LRRC37A: variants seen among roughly 807,000 people sequenced by gnomAD.
The protein encoded by LRRC37A is leucine rich repeat containing 37A, also known as leucine-rich repeat-containing protein 37A.
Under a neutral mutation model 35.4 loss-of-function variants are expected in LRRC37A, and 3 were observed. The ratio of observed to expected loss-of-function variants is 0.08; its 90% CI spans 0.04 to 0.22. LRRC37A has a LOEUF of 0.22. LRRC37A is among the 10% of genes least tolerant of loss of function. The pLI, the probability that LRRC37A is intolerant of heterozygous loss-of-function variation, is 1.00. For synonymous variants in LRRC37A, 23 were observed against 215.0 expected (o/e 0.11, Z 7.81); for missense variants, 67 against 565.3 (o/e 0.12, Z 8.94).
chr17:46,272,045 C>A, the LRRC37A span, among the ~76,000 whole-genome samples: 2 of 152,240 alleles, frequency 1.3e-5, no homozygotes, highest in Non-Finnish European at 2.9e-5. Flanking sequence ...TAGGCGTGAG[C>A]CACCATGCCC....
At chr17:46,271,654 C>A in the LRRC37A span, among the ~76,000 whole-genome samples, 1 of 152,122 alleles carries the variant, frequency 6.6e-6, no homozygotes, top group Admixed American at 6.6e-5. Flanking sequence ...ATTTGCAGAT[C>A]CCAGGAAGGT....
the LRRC37A span, among the ~76,000 whole-genome samples, chr17:46,262,034 CCGTCTCCCGAGTTTAAG>C: frequency 6.6e-6 from 1 of 152,186 alleles, no homozygotes; most frequent in African/African-American, 2.4e-5. Flanking sequence ...ACTGTAAACT[CCGTCTCCCGAGTTTAAG>C]CAATTCTCCT....
At chr17:46,252,333 T>A in the LRRC37A span, among the ~76,000 whole-genome samples, 1 of 148,374 alleles carries the variant, frequency 6.7e-6, no homozygotes, top group Non-Finnish European at 1.5e-5. Context: ...GCCTCCCAAG[T>A]AGCTGGAAAT....
At chr17:46,317,180 C>G (rs1201300878) in intron 5 of LRRC37A, among the ~76,000 whole-genome samples, 3 of 84,246 alleles carry the variant, frequency 3.6e-5, no homozygotes, top group Non-Finnish European at 7.2e-5. Context: ...ACATCCCAGA[C>G]GGGCATGCCC....
chr17:46,268,052 C>T, the LRRC37A span, among the ~76,000 whole-genome samples: 1 of 151,858 alleles, frequency 6.6e-6, no homozygotes, highest in East Asian at 1.9e-4. Flanking sequence ...CAGGCTGAGC[C>T]ACTGCGCCCA....
chr17:46,281,415 G>T, the LRRC37A span, among the ~76,000 whole-genome samples: 1 of 151,938 alleles, frequency 6.6e-6, no homozygotes, highest in East Asian at 1.9e-4. Flanking sequence ...TTTGAGACAG[G>T]GTCTCAATCT....
At chr17:46,288,038 G>A (rs2049964957), upstream of LRRC37A, among the ~76,000 whole-genome samples, 1 of 152,190 alleles carries the variant, frequency 6.6e-6, no homozygotes. Context: ...GCTCTACCAA[G>A]GCATTTCTTG....
chr17:46,262,333 C>T, the LRRC37A span, among the ~76,000 whole-genome samples: 6 of 152,152 alleles, frequency 3.9e-5, no homozygotes, highest in South Asian at 4.1e-4. Flanking sequence ...TGCGCCCGGC[C>T]GATCTTCCTT....
chr17:46,253,531 G>A, the LRRC37A span, among the ~76,000 whole-genome samples: 2 of 152,220 alleles, frequency 1.3e-5, no homozygotes, highest in Non-Finnish European at 2.9e-5. Context: ...CGGATCACTC[G>A]CGGTTAGGAG....
chr17:46,278,400 T>TTA, the LRRC37A span, among the ~76,000 whole-genome samples: 2 of 141,264 alleles, frequency 1.4e-5, no homozygotes, highest in African/African-American at 5.4e-5. Flanking sequence ...TGTTTTATTT[T>TTA]GTTTTTTTTT....
the LRRC37A span, among the ~76,000 whole-genome samples, chr17:46,263,429 T>C: frequency 6.6e-6 from 1 of 150,742 alleles, no homozygotes; most frequent in African/African-American, 2.5e-5. Flanking sequence ...TGTGTGCCTA[T>C]AATCCCAGCT....
the LRRC37A span, among the ~76,000 whole-genome samples, chr17:46,271,086 G>C: frequency 6.6e-6 from 1 of 150,976 alleles, no homozygotes; most frequent in East Asian, 1.9e-4. Flanking sequence ...ACCTCCTCAA[G>C]TACTTCATTA....
At chr17:46,279,583 T>C in the LRRC37A span, among the ~76,000 whole-genome samples, 21,636 of 149,436 alleles carry the variant, frequency 0.14, 1,890 homozygotes, top group Non-Finnish European at 0.22. Flanking sequence ...CTCACTGCAG[T>C]ATCTGTCTCC....
chr17:46,268,443 A>G, the LRRC37A span: 1 of 1,202,506 alleles, frequency 8.3e-7, no homozygotes, highest in Non-Finnish European at 1.1e-6. Flanking sequence ...AAGGCCTTAT[A>G]TTTTCTGTTT....
At chr17:46,287,185 T>G in the LRRC37A span, among the ~76,000 whole-genome samples, 2 of 152,232 alleles carry the variant, frequency 1.3e-5, no homozygotes, top group African/African-American at 4.8e-5. Flanking sequence ...TTTCAACAAG[T>G]ACACTGCTTA....
chr17:46,255,427 G>A, the LRRC37A span, among the ~76,000 whole-genome samples: 25,227 of 139,776 alleles, frequency 0.18, 1,902 homozygotes, highest in Middle Eastern at 0.31. Flanking sequence ...GTGCAGTGGC[G>A]CGATCTCTGC....
the LRRC37A span, among the ~76,000 whole-genome samples, chr17:46,271,160 GTTTC>G: frequency 8.9e-6 from 1 of 112,276 alleles, no homozygotes; most frequent in East Asian, 2.1e-4. Context: ...TATGGTAATA[GTTTC>G]TTTTTTTTTT....
chr17:46,257,329 T>G, the LRRC37A span, among the ~76,000 whole-genome samples: 1 of 151,914 alleles, frequency 6.6e-6, no homozygotes, highest in East Asian at 1.9e-4. Flanking sequence ...GTGATTGTAA[T>G]CCCAGTTACT....
chr17:46,251,204 C>T, the LRRC37A span, among the ~76,000 whole-genome samples: 3 of 152,240 alleles, frequency 2.0e-5, no homozygotes, highest in East Asian at 1.9e-4. Context: ...CAATTTTGCT[C>T]CCCAAGTGAC....
Sources: allele counts gnomAD v4.1 joint callset (sites outside exome capture counted in the v4.1 genomes callset), GRCh38; gene constraint gnomAD v4.1.1; transcripts MANE v1.5; gene names NCBI Gene and HGNC (gene_info 2026-07-23, HGNC 2026-07-21).